Variants in SULT4A1 observed in about 807,000 individuals in gnomAD.
The protein encoded by SULT4A1 is sulfotransferase family 4A member 1, also known as sulfotransferase 4A1.
SULT4A1 carries 11 observed loss-of-function variants against 35.2 expected under a neutral mutation model. That is an observed-to-expected ratio of 0.31 (90% confidence interval 0.20 to 0.52). The LOEUF (loss-of-function observed/expected upper bound fraction) is 0.52. Ranked by LOEUF, SULT4A1 falls within the 20% of genes least tolerant of loss-of-function variation. SULT4A1 has a pLI of 0.97. For missense variants in SULT4A1, 271 were observed against 383.7 expected (o/e 0.71, Z 2.45); for synonymous variants, 152 against 151.8 (o/e 1.00, Z -0.01).
intron 5 of SULT4A1, among the ~76,000 whole-genome samples, chr22:43,831,732 A>G (rs2063327310): frequency 6.6e-6 from 1 of 152,250 alleles, no homozygotes. Context: ...GACAGGTTCC[A>G]AAGAGGCAAC....
intron 1 of SULT4A1, among the ~76,000 whole-genome samples, chr22:43,842,680 T>C (rs2063443802): frequency 6.6e-6 from 1 of 152,140 alleles, no homozygotes; most frequent in African/African-American, 2.4e-5. Context: ...GGTACAATCC[T>C]GTATGTCCCA....
rs6006562 is a variant in SULT4A1, at chr22:43,859,767, G to A, written c.169+2447C>T. Among the ~76,000 whole-genome samples, 1,209 of 152,304 alleles carry A rather than the reference G, an allele frequency of 7.9e-3. 19 individuals carry two copies. The highest frequency in any genetic ancestry group is 0.028 in the African/African-American group (1,166 of 41,570). On this transcript the variant is annotated intron_variant, in intron 1 of 6. Transcript: ENST00000330884. Reference sequence around the variant, plus strand: ...TGTGATGGGAACACTCCATATCTGCGCCACCCAATACGGCAGCCGCTAGCC... The same window carrying A: ...TGTGATGGGAACACTCCATATCTGCACCACCCAATACGGCAGCCGCTAGCC...
chr22:43,826,665 A>T, intron 6 of SULT4A1: 1 of 985,454 alleles, frequency 1.0e-6, no homozygotes, highest in East Asian at 1.1e-4. Flanking sequence ...TTTTACACTA[A>T]GTAGGAAGCC....
rs1202251459 is a variant in SULT4A1 at position 43,862,459 on chromosome 22, G to GCCCGCACCCGCA, written c.-78_-77insTGCGGGTGCGGG. ...CGCCCGCGCCCGCGCCCGCGCCCGCGCCCCGCACACGCTCGCGCCCCACCG... is the reference window on the plus strand; with the variant it reads ...CGCCCGCGCCCGCGCCCGCGCCCGCGCCCGCACCCGCACCCCGCACACGCTCGCGCCCCACCG... On this transcript the variant is annotated 5_prime_UTR_variant, in exon 1 of 7. Coordinates refer to ENST00000330884, the MANE Select transcript of SULT4A1 (RefSeq NM_014351.4). The GCCCGCACCCGCA allele has an allele frequency of 3.6e-6, 3 of 829,944 alleles. No individual in the cohort carries two copies. Among genetic ancestry groups the GCCCGCACCCGCA allele is most frequent in the East Asian group, 1.3e-4 (1 of 7,580 alleles). The allele number at this position is 829,944 out of a possible 1,614,324, so 51.4% of individuals were successfully genotyped here.
Position 43,827,742 on chromosome 22 carries a change from C to T in SULT4A1, c.742+1318G>A, listed in dbSNP as rs112003576. 1.5e-4 allele frequency: 104 copies of T among 695,536 alleles called. 1 individual carries two copies. The African/African-American group carries it at 1.5e-3, about 10-fold the overall frequency. The allele number at this position is 695,536 out of a possible 1,614,324, so 43.1% of individuals were successfully genotyped here. A position where few individuals can be genotyped will look rare whatever the true frequency, so the allele number is the denominator to read the frequency against. ...AGCATATGGGCACACAGTATGTTCT[C>T]GACGCTGCTTCACCACACACACACA... On this transcript the variant is annotated intron_variant, in intron 6 of 6. Transcript: ENST00000330884.
At position 43,854,232 on chromosome 22, in the gene SULT4A1, G is replaced by A. The variant is rs531867169; in HGVS notation, c.169+7982C>T. ...CATAAAGGTCCTGCTCTGACTCTGG[G>A]CACGACCATGTGACATGGCCAACAG... On this transcript the variant is annotated intron_variant, in intron 1 of 6. Coordinates refer to ENST00000330884, the MANE Select transcript of SULT4A1 (RefSeq NM_014351.4). Among the ~76,000 whole-genome samples, 360 of 152,314 alleles carry A rather than the reference G, an allele frequency of 2.4e-3. 2 individuals carry two copies. Among genetic ancestry groups the A allele is most frequent in the Non-Finnish European group, 3.4e-3 (231 of 68,026 alleles).
intron 5 of SULT4A1, among the ~76,000 whole-genome samples, chr22:43,832,022 A>C (rs1198306985): frequency 2.0e-5 from 3 of 152,198 alleles, no homozygotes; most frequent in Non-Finnish European, 4.4e-5. Flanking sequence ...TCCCCACTTT[A>C]CAGAGGCTTG....
chr22:43,856,258 GCA>G (rs1355047880), intron 1 of SULT4A1, among the ~76,000 whole-genome samples: 1 of 152,102 alleles, frequency 6.6e-6, no homozygotes, highest in Non-Finnish European at 1.5e-5. Flanking sequence ...ACCTCCCAGG[GCA>G]CTGGTGAAGA....
At chr22:43,857,783 C>T (rs979550055) in intron 1 of SULT4A1, among the ~76,000 whole-genome samples, 6 of 152,170 alleles carry the variant, frequency 3.9e-5, no homozygotes, top group African/African-American at 1.4e-4. Flanking sequence ...GGCATAGCAG[C>T]TCACGCCTGT....
At chr22:43,842,386 G>A (rs28402909) in intron 1 of SULT4A1, among the ~76,000 whole-genome samples, 5,416 of 152,254 alleles carry the variant, frequency 0.036, 349 homozygotes, top group African/African-American at 0.12. Flanking sequence ...ACTATCCTGG[G>A]GAGACACCCA....
intron 1 of SULT4A1, among the ~76,000 whole-genome samples, chr22:43,846,644 A>G (rs1212324096): frequency 6.6e-6 from 1 of 152,264 alleles, no homozygotes; most frequent in Non-Finnish European, 1.5e-5. Context: ...TTCTCAGCCC[A>G]TGGACTCTCC....
chr22:43,851,290 A>C (rs1358448772), intron 1 of SULT4A1, among the ~76,000 whole-genome samples: 1 of 152,218 alleles, frequency 6.6e-6, no homozygotes, highest in Non-Finnish European at 1.5e-5. Flanking sequence ...CTCAGAGGAT[A>C]CTGCAAAGAC....
At chr22:43,851,705 G>A (rs1002697776) in intron 1 of SULT4A1, among the ~76,000 whole-genome samples, 7 of 152,168 alleles carry the variant, frequency 4.6e-5, no homozygotes, top group African/African-American at 1.4e-4. Context: ...GCAGCCTGTG[G>A]GAGATCCTAC....
At position 43,836,320 on chromosome 22, in the gene SULT4A1, A is replaced by C. The variant is rs1228187409; in HGVS notation, c.508+2547T>G. On this transcript the variant is annotated intron_variant, in intron 4 of 6. Transcript: ENST00000330884. ...GGGACCCTGTCTACACAGCGTCCTC[A>C]CACTGCAGGTGCCACAGGGACCCTG... Among the ~76,000 whole-genome samples the C allele has an allele frequency of 1.3e-4, 15 of 112,454 alleles. No homozygotes were observed. The East Asian group carries it at 1.8e-3, about 13-fold the overall frequency. The allele number at this position is 112,454 out of a possible 152,430, so 73.8% of individuals were successfully genotyped here.
At position 43,826,075 on chromosome 22, in the gene SULT4A1, T is replaced by C. The variant is rs2148273909; in HGVS notation, c.781A>G (p.Met261Val). The C allele has an allele frequency of 6.2e-7, 1 of 1,614,238 alleles. No homozygotes were observed. Among genetic ancestry groups the C allele is most frequent in the East Asian group, 2.2e-5 (1 of 44,888 alleles). Reference protein sequence around the residue: ...GLWKDIFTVSMNEKFDLVYKQ... With the variant: ...GLWKDIFTVSVNEKFDLVYKQ... The stretch of plus-strand genomic sequence containing the variant: ...TACACCAAGTCAAACTTCTCATTCA[T>C]GGAGACGGTGAAGATGTCCTTCCAC... Residue 261 changes from methionine (M) to valine (V), a missense_variant, in exon 7 of 7, where the codon ATG (methionine) becomes GTG (valine). Met to Val is a conservative substitution (Grantham distance 21). This residue lies in a region of SULT4A1 where 32 missense variants were observed against 61.9 expected (regional missense o/e 0.52). Coordinates refer to ENST00000330884, the MANE Select transcript of SULT4A1 (RefSeq NM_014351.4).
chr22:43,842,575 GCCCCACA>G (rs1448599398), intron 1 of SULT4A1, among the ~76,000 whole-genome samples: 5 of 152,164 alleles, frequency 3.3e-5, no homozygotes, highest in African/African-American at 1.2e-4. Context: ...GCACGGCCAA[GCCCCACA>G]GATAGGATGT....
At position 43,825,971 on chromosome 22, in the gene SULT4A1, T is replaced by C; in HGVS notation, c.*30A>G. 10 of 1,602,318 alleles carry C rather than the reference T, an allele frequency of 6.2e-6. No homozygotes were observed. The highest frequency in any genetic ancestry group is 8.5e-6 in the Non-Finnish European group (10 of 1,170,144). On this transcript the variant is annotated 3_prime_UTR_variant, in exon 7 of 7. Transcript: ENST00000330884. ...TTTTGGCTAGTAGACTGTCTGGGTA[T>C]TGTGAGCATGCAGGTTGTTGTTTCT... is the stretch of plus-strand genomic sequence containing the variant.
intron 6 of SULT4A1, chr22:43,826,637 C>T (rs2063288915): frequency 2.0e-6 from 2 of 985,302 alleles, no homozygotes; most frequent in South Asian, 4.7e-5. Context: ...AAAAAAAAAT[C>T]ATTCAAAGTG....
In SULT4A1 at chr22:43,833,105, T is replaced by A. The variant is rs1046998743; in HGVS notation, c.603+535A>T. Reference sequence around the variant, plus strand: ...GGCCAGGCCACAGGTGTCTCCTGCCTGTCCTGCCCCTGCCACCAGAAGCCC... The same window carrying A: ...GGCCAGGCCACAGGTGTCTCCTGCCAGTCCTGCCCCTGCCACCAGAAGCCC... On this transcript the variant is annotated intron_variant, in intron 5 of 6. Transcript: ENST00000330884. Among the ~76,000 whole-genome samples the A allele has an allele frequency of 6.6e-5, 10 of 152,232 alleles. No homozygotes were observed. In the South Asian group the frequency reaches 1.2e-3, roughly 19 times the overall value.
Sources: gnomAD v4.1 joint callset for allele counts (sites outside exome capture counted in the v4.1 genomes callset) on GRCh38, gnomAD v4.1.1 for gene constraint, gnomAD v4.1.1 regional missense constraint, MANE v1.5 for transcripts, NCBI Gene and HGNC (gene_info 2026-07-23, HGNC 2026-07-21) for gene names.